MYO1F: variants seen among roughly 807,000 people sequenced by gnomAD.
The protein encoded by MYO1F is unconventional myosin-If.
In MYO1F, 60 loss-of-function variants were observed where a neutral mutation model predicts 146.6. The observed-to-expected ratio is 0.41, with a 90% CI of 0.33 to 0.51. MYO1F has a LOEUF of 0.51. MYO1F is among the 20% of genes least tolerant of loss of function. The probability of loss-of-function intolerance (pLI) is 0.25; values close to 1 mark genes in which losing one functional copy is unlikely to be tolerated. For missense variants in MYO1F, 1,274 were observed against 1,534.3 expected (o/e 0.83, Z 2.83); for synonymous variants, 602 against 602.1 (o/e 1.00, Z 0.00).
At chr19:8,527,684 C>T (rs548459943) in intron 21 of MYO1F, among the ~76,000 whole-genome samples, 25 of 152,288 alleles carry the variant, frequency 1.6e-4, no homozygotes, top group Admixed American at 6.5e-5. Context: ...GCCATCATAG[C>T]TCACTGCAAC....
chr19:8,526,667 GT>G (rs1169853565), intron 23 of MYO1F, 66 bp from the exon 24 acceptor site: 3 of 1,554,776 alleles, frequency 1.9e-6, no homozygotes, highest in Non-Finnish European at 2.6e-6. Flanking sequence ...ACTCTCGCTG[GT>G]TGGGGCAGGG....
At chr19:8,571,859 A>T (rs2042116071) in intron 1 of MYO1F, among the ~76,000 whole-genome samples, 1 of 150,654 alleles carries the variant, frequency 6.6e-6, no homozygotes, top group Non-Finnish European at 1.5e-5. Flanking sequence ...GGCCTCCCAA[A>T]GTGCTGGGAT....
chr19:8,571,110 G>A (rs544440985), intron 1 of MYO1F, among the ~76,000 whole-genome samples: 6 of 152,344 alleles, frequency 3.9e-5, no homozygotes, highest in East Asian at 1.9e-4. Flanking sequence ...TTTTCTGGGC[G>A]TGATGAGCAA....
chr19:8,557,257 C>A (rs891006543), intron 1 of MYO1F, among the ~76,000 whole-genome samples: 1 of 151,956 alleles, frequency 6.6e-6, no homozygotes, highest in Middle Eastern at 3.2e-3. Context: ...TACACTCCAT[C>A]CTGGATGACT....
chr19:8,530,446 C>T lies in MYO1F; in HGVS notation c.2158+13G>A, dbSNP rs750324875. 8.7e-6 allele frequency: 14 copies of T among 1,613,710 alleles called. No homozygotes were observed. The highest frequency in any genetic ancestry group is 6.7e-5 in the East Asian group (3 of 44,880). On this transcript the variant is annotated intron_variant, in intron 20 of 27. Coordinates refer to ENST00000644032, the MANE Select transcript of MYO1F (RefSeq NM_012335.4). This position sits in a 1 kb window ranked among gnomAD's most constrained non-coding sequence, Gnocchi z 5.8. ...GTGCCCCCACCCCGCGCCGTTTACC[C>T]GAAGCCTCTCACCTTCCTCCCGCAT... is the stretch of plus-strand genomic sequence containing the variant.
At chr19:8,540,846 TGGATC>T (rs1255428362) in intron 15 of MYO1F, among the ~76,000 whole-genome samples, 11 of 152,150 alleles carry the variant, frequency 7.2e-5, no homozygotes, top group African/African-American at 2.6e-4. Flanking sequence ...TACGTGCACA[TGGATC>T]CCTGGGAGGC....
At position 8,539,937 on chromosome 19, in the gene MYO1F, C is replaced by T. The variant is rs760080400; in HGVS notation, c.1692+10G>A. 3 of 1,612,546 alleles carry T rather than the reference C, an allele frequency of 1.9e-6. No individual in the cohort carries two copies. Among genetic ancestry groups the T allele is most frequent in the South Asian group, 1.1e-5 (1 of 90,938 alleles). On this transcript the variant is annotated intron_variant, in intron 16 of 27. Transcript: ENST00000644032. ...CAGGCCCAGCTCCCCGTTGTACACC[C>T]CAGGCCCACCTTGATCTTGGAGCCG...
intron 1 of MYO1F, among the ~76,000 whole-genome samples, chr19:8,574,589 CTCTCTCTCTTTCTTTCTTTCTT>C (rs1283293037): frequency 8.3e-5 from 7 of 84,574 alleles, no homozygotes; most frequent in African/African-American, 3.5e-4. Flanking sequence ...CTCTCTCTCT[CTCTCTCTCTTTCTTTCTTTCTT>C]TCTTTCTTTC....
At position 8,544,037 on chromosome 19, in the gene MYO1F, G is replaced by A. The variant is rs185795273; in HGVS notation, c.1524+260C>T. ...CGGTGGCGGTGGCGGTGGCGGTGGC[G>A]GTGCTGGTGGTGGTGGTGGTGGTGG... On this transcript the variant is annotated intron_variant, in intron 14 of 27. Transcript: ENST00000644032. The A allele has an allele frequency of 2.5e-3, 1,333 of 539,182 alleles. 10 individuals carry two copies. Among genetic ancestry groups the A allele is most frequent in the South Asian group, 3.1e-3 (149 of 48,130 alleles). 33.4% of individuals were successfully genotyped at this position (539,182 alleles called of 1,614,324 possible).
chr19:8,523,903 G>A (rs951469207), intron 25 of MYO1F, among the ~76,000 whole-genome samples: 2 of 151,860 alleles, frequency 1.3e-5, no homozygotes, highest in East Asian at 3.9e-4. Flanking sequence ...GGCTGATCAC[G>A]AGGTCTGGAG....
intron 1 of MYO1F, among the ~76,000 whole-genome samples, chr19:8,559,105 C>T (rs1014599721): frequency 6.6e-6 from 1 of 151,878 alleles, no homozygotes; most frequent in Non-Finnish European, 1.5e-5. Flanking sequence ...GTCTTGAACT[C>T]CTGAGTTCAA....
At chr19:8,529,103 G>T (rs1187681506) in intron 21 of MYO1F, among the ~76,000 whole-genome samples, 2 of 152,120 alleles carry the variant, frequency 1.3e-5, no homozygotes, top group African/African-American at 4.8e-5. Context: ...AAGTTGTACA[G>T]ATCATGTGAG....
chr19:8,574,555 C>CTTTCTTTT (rs2042171878), intron 1 of MYO1F, among the ~76,000 whole-genome samples: 1 of 91,950 alleles, frequency 1.1e-5, no homozygotes, highest in Non-Finnish European at 2.3e-5. Flanking sequence ...TTCTTTCTTT[C>CTTTCTTTT]TTTCTTTCTT....
chr19:8,550,184 G>A lies in MYO1F; in HGVS notation c.1077C>T (p.Ala359=). Residue 359 remains alanine (A), a synonymous_variant, in exon 10 of 28, where the codon GCC becomes GCT. Transcript: ENST00000644032. The part of the protein sequence containing the change: ...TRDALAKGLY[A]RLFDFLVEAI... Reference sequence around the variant, plus strand: ...CCTCCACGAGGAAGTCGAAGAGGCGGGCATAGAGCCCCTTGGCCAGGGCAT... The same window carrying A: ...CCTCCACGAGGAAGTCGAAGAGGCGAGCATAGAGCCCCTTGGCCAGGGCAT... The A allele has an allele frequency of 6.2e-7, 1 of 1,614,126 alleles. No individual in the cohort carries two copies. The highest frequency in any genetic ancestry group is 8.5e-7 in the Non-Finnish European group (1 of 1,180,044).
chr19:8,561,950 C>T (rs769033261), intron 1 of MYO1F, among the ~76,000 whole-genome samples: 9 of 151,822 alleles, frequency 5.9e-5, no homozygotes, highest in Admixed American at 2.0e-4. Flanking sequence ...CTCCTGACCT[C>T]GTGATCCACC....
chr19:8,548,636 T>G (rs942399198), intron 10 of MYO1F, among the ~76,000 whole-genome samples: 5 of 151,014 alleles, frequency 3.3e-5, no homozygotes, highest in African/African-American at 1.2e-4. Flanking sequence ...AGTCTCACTC[T>G]GTCGCCCAGG....
At chr19:8,546,564 T>C (rs1043972273) in intron 12 of MYO1F, among the ~76,000 whole-genome samples, 3 of 152,068 alleles carry the variant, frequency 2.0e-5, no homozygotes, top group African/African-American at 4.8e-5. Flanking sequence ...CTCACTATGT[T>C]GTCCAGGCTG....
chr19:8,561,327 C>A (rs1974091893), intron 1 of MYO1F, among the ~76,000 whole-genome samples: 1 of 151,656 alleles, frequency 6.6e-6, no homozygotes, highest in Non-Finnish European at 1.5e-5. Flanking sequence ...CACACTGCTC[C>A]TGGCCTGAGT....
chr19:8,574,593 CTCTCTT>C (rs1223493867), intron 1 of MYO1F, among the ~76,000 whole-genome samples: 44 of 95,642 alleles, frequency 4.6e-4, no homozygotes, highest in African/African-American at 7.9e-4. Flanking sequence ...CTCTCTCTCT[CTCTCTT>C]TCTTTCTTTC....
Sources: allele counts gnomAD v4.1 joint callset (sites outside exome capture counted in the v4.1 genomes callset), GRCh38; gene constraint gnomAD v4.1.1; non-coding constraint Gnocchi (gnomAD v3.1); transcripts MANE v1.5; gene names NCBI Gene and HGNC (gene_info 2026-07-23, HGNC 2026-07-21).